Variants in TNFAIP8L3 observed in about 807,000 individuals in gnomAD.
The protein encoded by TNFAIP8L3 is TNF alpha induced protein 8 like 3.
A neutral mutation model predicts 11.8 loss-of-function variants in TNFAIP8L3; 7 were observed. That is an observed-to-expected ratio of 0.59 (90% CI 0.34 to 1.11). The LOEUF is 1.11. Ranked by LOEUF, TNFAIP8L3 falls within the 50% of genes most tolerant of loss-of-function variation. The probability of loss-of-function intolerance (pLI) is 0.03; values close to 1 mark genes in which losing one functional copy is unlikely to be tolerated. For missense variants in TNFAIP8L3, 219 were observed against 258.6 expected, an observed-to-expected ratio of 0.85 and a Z score of 1.05; for synonymous variants, 98 against 103.8, an observed-to-expected ratio of 0.94 and a Z score of 0.34.
intron 1 of TNFAIP8L3, among the ~76,000 whole-genome samples, chr15:51,090,199 C>T (rs1259811476): frequency 1.2e-4 from 19 of 152,216 alleles, no homozygotes; most frequent in Admixed American, 1.0e-3. Context: ...CACAACATGT[C>T]ACTGTCTCCT....
intron 1 of TNFAIP8L3, among the ~76,000 whole-genome samples, chr15:51,101,862 C>T (rs1319338117): frequency 3.6e-5 from 5 of 138,334 alleles, no homozygotes; most frequent in African/African-American, 5.4e-5. Flanking sequence ...AAGAGAATGG[C>T]GTGAACCTGG....
Position 51,058,456 on chromosome 15 carries a change from A to G in TNFAIP8L3, c.53-13T>C. On this transcript the variant is annotated splice_polypyrimidine_tract_variant and intron_variant, in intron 1 of 1. Transcript: ENST00000637513. Reference sequence around the variant, plus strand: ...AAAACATCAGGACCTATGGTAAAAAAAATATATATAAAAGTTTTAGAAATA... The same window carrying G: ...AAAACATCAGGACCTATGGTAAAAAGAATATATATAAAAGTTTTAGAAATA... The G allele has an allele frequency of 7.4e-7, 1 of 1,357,564 alleles. No individual in the cohort carries two copies. The allele number at this position is 1,357,564 out of a possible 1,614,324, so 84.1% of individuals were successfully genotyped here. A position where few individuals can be genotyped will look rare whatever the true frequency, so the allele number is the denominator to read the frequency against.
chr15:51,073,606 A>T (rs1021144068), intron 1 of TNFAIP8L3, among the ~76,000 whole-genome samples: 1 of 152,144 alleles, frequency 6.6e-6, no homozygotes, highest in Non-Finnish European at 1.5e-5. Flanking sequence ...CATCTCTTGG[A>T]CTTTTTAATG....
At chr15:51,084,092 G>A (rs1458052706) in intron 1 of TNFAIP8L3, among the ~76,000 whole-genome samples, 1 of 152,168 alleles carries the variant, frequency 6.6e-6, no homozygotes, top group Non-Finnish European at 1.5e-5. Context: ...TATTTTGCTC[G>A]AGCATTAACA....
In TNFAIP8L3 at chr15:51,094,795, G is replaced by T. The variant is rs1420773913; in HGVS notation, c.-200C>A. ...CCGCCGCGCCCCGCTCCCCGCGCCC[G>T]CCGGCCGGTGCCTGCGCGCGAGGCG... On this transcript the variant is annotated 5_prime_UTR_variant, in exon 1 of 2. Coordinates refer to ENST00000637513, the MANE Select transcript of TNFAIP8L3 (RefSeq NM_001311175.2). This position sits in a 1 kb window ranked among gnomAD's most constrained non-coding sequence, Gnocchi z 4.4. The T allele has an allele frequency of 2.7e-5, 20 of 731,010 alleles. No individual in the cohort carries two copies. The highest frequency in any genetic ancestry group is 6.8e-4 in the Middle Eastern group (1 of 1,474). The allele number at this position is 731,010 out of a possible 1,614,324, so 45.3% of individuals were successfully genotyped here.
At chr15:51,078,944 C>G (rs763171215) in intron 1 of TNFAIP8L3, among the ~76,000 whole-genome samples, 7 of 152,188 alleles carry the variant, frequency 4.6e-5, no homozygotes, top group Non-Finnish European at 7.3e-5. Flanking sequence ...TTGCTCATCT[C>G]TCTACCCCAG....
intron 1 of TNFAIP8L3, among the ~76,000 whole-genome samples, chr15:51,088,801 A>C: frequency 6.6e-6 from 1 of 152,216 alleles, no homozygotes; most frequent in East Asian, 1.9e-4. Flanking sequence ...CATGTGCTGC[A>C]CGGACTCCCC....
intron 1 of TNFAIP8L3, among the ~76,000 whole-genome samples, chr15:51,064,266 A>T (rs2082353766): frequency 6.6e-6 from 1 of 152,206 alleles, no homozygotes; most frequent in Non-Finnish European, 1.5e-5. Context: ...TGTATCCTAT[A>T]GAGCACTTGT....
At chr15:51,083,066 T>C (rs1444754913) in intron 1 of TNFAIP8L3, among the ~76,000 whole-genome samples, 1 of 152,250 alleles carries the variant, frequency 6.6e-6, no homozygotes, top group East Asian at 1.9e-4. Flanking sequence ...TTCTGTTAAA[T>C]GTGAATCTAA....
At chr15:51,065,439 G>A (rs2140965495) in intron 1 of TNFAIP8L3, among the ~76,000 whole-genome samples, 1 of 152,312 alleles carries the variant, frequency 6.6e-6, no homozygotes, top group South Asian at 2.1e-4. Flanking sequence ...AAAACACTAA[G>A]CTCTCCCAGA....
At chr15:51,066,164 CTTT>C (rs66617524) in intron 1 of TNFAIP8L3, among the ~76,000 whole-genome samples, 26 of 125,102 alleles carry the variant, frequency 2.1e-4, no homozygotes, top group Non-Finnish European at 2.2e-4. Flanking sequence ...ACTTTCTTTC[CTTT>C]TTTTTTTTTT....
chr15:51,091,552 A>G (rs952068260), intron 1 of TNFAIP8L3, among the ~76,000 whole-genome samples: 15 of 152,108 alleles, frequency 9.9e-5, no homozygotes, highest in Admixed American at 2.6e-4. Flanking sequence ...TGTTTTTTTT[A>G]TAACTTTCCC....
intron 1 of TNFAIP8L3, among the ~76,000 whole-genome samples, chr15:51,068,403 G>T (rs566627847): frequency 6.6e-6 from 1 of 152,202 alleles, no homozygotes; most frequent in African/African-American, 2.4e-5. Flanking sequence ...AACCTCACCT[G>T]TCCTATACTA....
intron 1 of TNFAIP8L3, among the ~76,000 whole-genome samples, chr15:51,090,105 T>C (rs2065456919): frequency 6.6e-6 from 1 of 152,210 alleles, no homozygotes; most frequent in South Asian, 2.1e-4. Flanking sequence ...ACACCACTGC[T>C]AAGTGCCTGA....
chr15:51,096,342 T>G (rs774176257), upstream of TNFAIP8L3, among the ~76,000 whole-genome samples: 4 of 152,200 alleles, frequency 2.6e-5, no homozygotes, highest in Admixed American at 2.6e-4. Flanking sequence ...TGGATGGATA[T>G]TGATGAAATG....
upstream of TNFAIP8L3, among the ~76,000 whole-genome samples, chr15:51,099,643 C>T (rs2065536977): frequency 6.6e-6 from 1 of 152,174 alleles, no homozygotes; most frequent in Non-Finnish European, 1.5e-5. Context: ...TGGGATGTGA[C>T]TCCACTGCTG....
At chr15:51,095,345 G>T (rs972664595), upstream of TNFAIP8L3, among the ~76,000 whole-genome samples, 4 of 152,168 alleles carry the variant, frequency 2.6e-5, no homozygotes, top group African/African-American at 9.7e-5. Flanking sequence ...GCGTGTGCGG[G>T]ACCGAGCGCT....
intron 1 of TNFAIP8L3, among the ~76,000 whole-genome samples, chr15:51,083,682 G>A (rs1278612471): frequency 6.6e-6 from 1 of 152,246 alleles, no homozygotes; most frequent in East Asian, 1.9e-4. Flanking sequence ...CCCTGTTCAT[G>A]GCATGGAGGC....
At chr15:51,073,250 C>T in intron 1 of TNFAIP8L3, among the ~76,000 whole-genome samples, 1 of 152,184 alleles carries the variant, frequency 6.6e-6, no homozygotes. Context: ...CCTGCCTTGG[C>T]CTCCCAAAGT....
Sources: allele counts gnomAD v4.1 joint callset (sites outside exome capture counted in the v4.1 genomes callset), GRCh38; gene constraint gnomAD v4.1.1; non-coding constraint Gnocchi (gnomAD v3.1); transcripts MANE v1.5; gene names NCBI Gene and HGNC (gene_info 2026-07-23, HGNC 2026-07-21).